The following NOVA1 variants were observed in gnomAD, a reference collection of about 807,000 sequenced individuals.
NOVA1 encodes the protein RNA-binding protein Nova-1.
In NOVA1, 7 loss-of-function variants were observed where a neutral mutation model predicts 38.0. That is an observed-to-expected ratio of 0.18 (90% CI 0.10 to 0.35). The LOEUF (loss-of-function observed/expected upper bound fraction) is 0.35, where lower values mean the gene tolerates loss of function less well. Among genes scored for constraint, NOVA1 ranks in the 10% least tolerant of loss-of-function variants. The pLI, the probability that NOVA1 is intolerant of heterozygous loss-of-function variation, is 1.00. For synonymous variants in NOVA1, 270 were observed against 232.5 expected (o/e 1.16, Z -1.47); for missense variants, 460 against 616.0 (o/e 0.75, Z 2.68).
chr14:26,524,115 T>C (rs1465061462), intron 2 of NOVA1, among the ~76,000 whole-genome samples: 2 of 152,158 alleles, frequency 1.3e-5, no homozygotes, highest in African/African-American at 2.4e-5. Flanking sequence ...GTGGTAAGAT[T>C]TGGCTTACTG....
chr14:26,561,231 A>G (rs1006178149), intron 2 of NOVA1, among the ~76,000 whole-genome samples: 3 of 152,226 alleles, frequency 2.0e-5, no homozygotes, highest in Admixed American at 1.3e-4. Context: ...ACCGGACCAG[A>G]GCAGGGTTAG....
At chr14:26,498,645 T>A (rs1887004904) in intron 2 of NOVA1, among the ~76,000 whole-genome samples, 1 of 152,174 alleles carries the variant, frequency 6.6e-6, no homozygotes, top group Non-Finnish European at 1.5e-5. Context: ...CTAACTTACC[T>A]ATCACAGAAA....
Position 26,480,010 on chromosome 14 carries a change from G to A in NOVA1, c.414C>T (p.Pro138=). 6.2e-7 allele frequency: 1 copy of A among 1,613,922 alleles called. No homozygotes were observed. The highest frequency in any genetic ancestry group is 1.6e-4 in the Middle Eastern group (1 of 6,062). The change falls in exon 3 of 5, where the codon CCC becomes CCT. Residue 138 remains proline (P), a synonymous_variant. Coordinates refer to ENST00000539517, the MANE Select transcript of NOVA1 (RefSeq NM_002515.3). The part of the protein sequence containing the change: ...AKTEPVSILQ[P]QTTVNPDRIK... ...TGCGATCTGGATTAACGGTGGTCTG[G>A]GGTTGTAGAATGCTGACTGGTTCTG...
intron 4 of NOVA1, among the ~76,000 whole-genome samples, chr14:26,450,765 CTTTATT>C (rs999916653): frequency 5.9e-5 from 9 of 152,072 alleles, no homozygotes; most frequent in African/African-American, 2.2e-4. Flanking sequence ...TTACAATCAT[CTTTATT>C]TTTATCCCAT....
chr14:26,533,450 G>A lies in NOVA1; in HGVS notation c.281-53307C>T, dbSNP rs181738164. 1.3e-3 allele frequency among the ~76,000 whole-genome samples: 199 copies of A among 152,214 alleles called. 1 individual carries two copies. The highest frequency in any genetic ancestry group is 8.5e-4 in the Admixed American group (13 of 15,290). ...AAACCCAGAATGAACATTATTAACA[G>A]TCTATCAATGTTTATAGGAAAAGGT... On this transcript the variant is annotated intron_variant, in intron 2 of 4. Coordinates refer to ENST00000539517, the MANE Select transcript of NOVA1 (RefSeq NM_002515.3).
chr14:26,448,966 G>A lies in NOVA1; in HGVS notation c.520-3C>T, dbSNP rs1253076627. The A allele has an allele frequency of 6.3e-7, 1 of 1,584,968 alleles. No individual in the cohort carries two copies. Among genetic ancestry groups the A allele is most frequent in the South Asian group, 1.1e-5 (1 of 88,468 alleles). ...CTGTTGGGAACTATAATCTTTACCT[G>A]TAATTAAAAAAAATACGTATAAATA... On this transcript the variant is annotated splice_polypyrimidine_tract_variant and splice_region_variant and intron_variant, in intron 4 of 4. Transcript: ENST00000539517. This position sits in a 1 kb window ranked among gnomAD's most constrained non-coding sequence, Gnocchi z 5.3.
intron 2 of NOVA1, among the ~76,000 whole-genome samples, chr14:26,504,223 C>G (rs1887458489): frequency 6.6e-6 from 1 of 152,136 alleles, no homozygotes; most frequent in Non-Finnish European, 1.5e-5. Flanking sequence ...CAGCCTACAA[C>G]TTTACTATGT....
At chr14:26,479,478 G>A (rs1239246719) in intron 3 of NOVA1, 1 of 152,468 alleles carries the variant, frequency 6.6e-6, no homozygotes, top group Non-Finnish European at 1.5e-5. Context: ...TGTAACAAAG[G>A]ACTGTATGGT....
intron 2 of NOVA1, among the ~76,000 whole-genome samples, chr14:26,584,348 C>A (rs1893393759): frequency 6.6e-6 from 1 of 151,426 alleles, no homozygotes. Context: ...TACTTTTGAA[C>A]AACTGGGCAA....
chr14:26,580,853 G>A (rs1893171893), intron 2 of NOVA1, among the ~76,000 whole-genome samples: 1 of 151,764 alleles, frequency 6.6e-6, no homozygotes, highest in South Asian at 2.1e-4. Flanking sequence ...TTATATAAAT[G>A]TTGTCCTTTT....
chr14:26,572,726 G>GTGTGTA (rs1491569636), intron 2 of NOVA1, among the ~76,000 whole-genome samples: 3 of 1,398 alleles, frequency 2.1e-3, no homozygotes, highest in Admixed American at 0.022. Context: ...AGGAACCGCA[G>GTGTGTA]TGTGTGTGTG....
chr14:26,486,087 T>C (rs1018357465), intron 2 of NOVA1, among the ~76,000 whole-genome samples: 1 of 152,200 alleles, frequency 6.6e-6, no homozygotes, highest in Non-Finnish European at 1.5e-5. Context: ...ATAGCTAATA[T>C]TGTGATCAAC....
chr14:26,586,196 GAA>G (rs1893506248), intron 2 of NOVA1, among the ~76,000 whole-genome samples: 1 of 151,254 alleles, frequency 6.6e-6, no homozygotes, highest in Non-Finnish European at 1.5e-5. Flanking sequence ...ACTGTAGAAG[GAA>G]AAGTCTTCAA....
chr14:26,489,077 G>A (rs1232884538), intron 2 of NOVA1, among the ~76,000 whole-genome samples: 3 of 151,920 alleles, frequency 2.0e-5, no homozygotes, highest in South Asian at 4.2e-4. Context: ...GCATGGTAAC[G>A]AATCAGAGAT....
chr14:26,508,534 G>A (rs2138440272), intron 2 of NOVA1, among the ~76,000 whole-genome samples: 1 of 140,460 alleles, frequency 7.1e-6, no homozygotes, highest in South Asian at 2.4e-4. Context: ...ATTAAACCAA[G>A]AGAAATTTTT....
At chr14:26,518,412 T>C (rs10139363) in intron 2 of NOVA1, among the ~76,000 whole-genome samples, 37,835 of 151,886 alleles carry the variant, frequency 0.25, 5,564 homozygotes, top group African/African-American at 0.4. Flanking sequence ...TTGTTTTACG[T>C]AGCCCTCTTT....
chr14:26,500,513 A>G (rs1203966933), intron 2 of NOVA1, among the ~76,000 whole-genome samples: 1 of 152,020 alleles, frequency 6.6e-6, no homozygotes, highest in African/African-American at 2.4e-5. Flanking sequence ...AGAAAAAAAA[A>G]AGAGAAACAA....
At chr14:26,570,340 C>T (rs1436290109) in intron 2 of NOVA1, among the ~76,000 whole-genome samples, 1 of 151,530 alleles carries the variant, frequency 6.6e-6, no homozygotes, top group Non-Finnish European at 1.5e-5. Context: ...GAGTGAGACT[C>T]CAACTCAGAA....
At chr14:26,537,912 G>C (rs1890218522) in intron 2 of NOVA1, among the ~76,000 whole-genome samples, 1 of 152,152 alleles carries the variant, frequency 6.6e-6, no homozygotes, top group Admixed American at 6.5e-5. Flanking sequence ...ATTTGAACTG[G>C]AACATGAATG....
Sources: allele counts gnomAD v4.1 joint callset (sites outside exome capture counted in the v4.1 genomes callset), GRCh38; gene constraint gnomAD v4.1.1; non-coding constraint Gnocchi (gnomAD v3.1); transcripts MANE v1.5; gene names NCBI Gene and HGNC (gene_info 2026-07-23, HGNC 2026-07-21).